PDK1: variants seen among roughly 807,000 people sequenced by gnomAD.
The protein encoded by PDK1 is pyruvate dehydrogenase kinase 1, also known as [Pyruvate dehydrogenase (acetyl-transferring)] kinase isozyme 1, mitochondrial.
Under a neutral mutation model 54.2 loss-of-function variants are expected in PDK1, and 39 were observed. That is an observed-to-expected ratio of 0.72 (90% CI 0.56 to 0.94). The LOEUF is 0.94. Ranked by LOEUF, PDK1 falls within the 40% of genes least tolerant of loss-of-function variation. The pLI is 0.00. For synonymous variants in PDK1, 221 were observed against 207.1 expected, an observed-to-expected ratio of 1.07 and a Z score of -0.58; for missense variants, 552 against 566.0, an observed-to-expected ratio of 0.98 and a Z score of 0.25.
At chr2:172,660,663 G>T in the PDK1 span, among the ~76,000 whole-genome samples, 5 of 151,946 alleles carry the variant, frequency 3.3e-5, no homozygotes, top group Non-Finnish European at 7.4e-5. Flanking sequence ...TATTTATGCT[G>T]CTTATATGTG....
the PDK1 span, among the ~76,000 whole-genome samples, chr2:172,698,342 T>C: frequency 2.0e-5 from 3 of 152,154 alleles, no homozygotes; most frequent in African/African-American, 7.2e-5. Context: ...TTTGGGCTGG[T>C]TTGTAAGTGT....
chr2:172,615,218 A>ATTCAATATT, the PDK1 span, among the ~76,000 whole-genome samples: 2 of 152,322 alleles, frequency 1.3e-5, 1 homozygote, highest in East Asian at 3.9e-4. Flanking sequence ...CCAACGTTGG[A>ATTCAATATT]TTCAATATTT....
chr2:172,629,848 C>T, the PDK1 span, among the ~76,000 whole-genome samples: 2 of 152,178 alleles, frequency 1.3e-5, no homozygotes, highest in African/African-American at 4.8e-5. Flanking sequence ...TACCCTGTCA[C>T]CTGCATGCTC....
chr2:172,711,941 G>T, the PDK1 span, among the ~76,000 whole-genome samples: 1 of 148,496 alleles, frequency 6.7e-6, no homozygotes, highest in African/African-American at 2.5e-5. Context: ...GAACATTTAG[G>T]AATATGTTCT....
the PDK1 span, among the ~76,000 whole-genome samples, chr2:172,693,279 A>T: frequency 4.6e-5 from 7 of 152,246 alleles, no homozygotes; most frequent in East Asian, 1.9e-4. Context: ...GGCTCATAAA[A>T]TCATGAGTCA....
the PDK1 span, chr2:172,674,543 T>C: frequency 1.3e-5 from 2 of 152,388 alleles, no homozygotes; most frequent in African/African-American, 4.8e-5. Context: ...ACGTCTTTAG[T>C]GTGGCACCAC....
At chr2:172,615,408 G>T in the PDK1 span, among the ~76,000 whole-genome samples, 1 of 152,152 alleles carries the variant, frequency 6.6e-6, no homozygotes, top group Non-Finnish European at 1.5e-5. Flanking sequence ...TGGATCACCT[G>T]AGGTCAGGAG....
At chr2:172,616,501 C>G in the PDK1 span, among the ~76,000 whole-genome samples, 823 of 152,202 alleles carry the variant, frequency 5.4e-3, 9 homozygotes, top group African/African-American at 0.019. Flanking sequence ...AAACAATGCT[C>G]AGGCATATGA....
At chr2:172,595,085 A>T (rs1690816156) in intron 10 of PDK1, among the ~76,000 whole-genome samples, 1 of 152,176 alleles carries the variant, frequency 6.6e-6, no homozygotes, top group South Asian at 2.1e-4. Flanking sequence ...TTATGTATTT[A>T]TAGAGTCAAT....
In PDK1 at chr2:172,604,125, A is replaced by C. The variant is rs551069593; in HGVS notation, c.*8156A>C. ...ACAGAGTCTTGCTCTGAGATTACCC[A>C]GGCTGGAGTTTAGTAGCATGATCTT... On this transcript the variant is annotated 3_prime_UTR_variant, in exon 11 of 11. Transcript: ENST00000282077. 1 of 152,310 alleles carries C rather than the reference A, an allele frequency of 6.6e-6. No homozygotes were observed. The highest frequency in any genetic ancestry group is 2.1e-4 in the South Asian group (1 of 4,826). 9.4% of individuals were successfully genotyped at this position (152,310 alleles called of 1,614,324 possible).
chr2:172,627,345 G>T, the PDK1 span, among the ~76,000 whole-genome samples: 3 of 151,954 alleles, frequency 2.0e-5, no homozygotes, highest in African/African-American at 7.3e-5. Context: ...ATACTCTGTT[G>T]TGCCAAAGCA....
chr2:172,663,954 G>T, the PDK1 span, among the ~76,000 whole-genome samples: 3 of 127,288 alleles, frequency 2.4e-5, no homozygotes, highest in African/African-American at 8.8e-5. Context: ...ACAGGGTTAT[G>T]CCACCATATG....
chr2:172,712,217 T>A, the PDK1 span, among the ~76,000 whole-genome samples: 1 of 152,132 alleles, frequency 6.6e-6, no homozygotes, highest in African/African-American at 2.4e-5. Context: ...GATAAGTGAG[T>A]ACTTTTATTT....
intron 9 of PDK1, among the ~76,000 whole-genome samples, chr2:172,586,629 A>G (rs1690246456): frequency 6.6e-6 from 1 of 152,284 alleles, no homozygotes; most frequent in South Asian, 2.1e-4. Flanking sequence ...GTGATATAGC[A>G]GTAGTTTTCC....
the PDK1 span, among the ~76,000 whole-genome samples, chr2:172,691,795 A>C: frequency 0.053 from 8,117 of 152,330 alleles, 413 homozygotes; most frequent in East Asian, 0.22. Flanking sequence ...GATGTACCAC[A>C]GTTTATGTAT....
the PDK1 span, among the ~76,000 whole-genome samples, chr2:172,646,533 T>C: frequency 6.6e-6 from 1 of 151,770 alleles, no homozygotes; most frequent in South Asian, 2.1e-4. Context: ...CTTGATGCAG[T>C]TGCTTCAGGT....
At chr2:172,578,369 A>G (rs1689690772) in intron 8 of PDK1, among the ~76,000 whole-genome samples, 1 of 152,142 alleles carries the variant, frequency 6.6e-6, no homozygotes, top group African/African-American at 2.4e-5. Context: ...CATTTATTGT[A>G]CTTCTCAATT....
chr2:172,622,694 T>C, the PDK1 span, among the ~76,000 whole-genome samples: 333 of 120,604 alleles, frequency 2.8e-3, no homozygotes, highest in African/African-American at 5.9e-3. Flanking sequence ...GTGAGATATG[T>C]TTATATCTCA....
the PDK1 span, among the ~76,000 whole-genome samples, chr2:172,693,553 G>A: frequency 6.6e-6 from 1 of 152,156 alleles, no homozygotes; most frequent in African/African-American, 2.4e-5. Flanking sequence ...CTATATGAGT[G>A]TTTGATTTTT....
Sources: allele counts gnomAD v4.1 joint callset (sites outside exome capture counted in the v4.1 genomes callset), GRCh38; gene constraint gnomAD v4.1.1; transcripts MANE v1.5; gene names NCBI Gene and HGNC (gene_info 2026-07-23, HGNC 2026-07-21).